Variants in STIMATE observed in about 807,000 individuals in gnomAD.
STIMATE encodes the protein store-operated calcium entry regulator STIMATE.
A neutral mutation model predicts 36.7 loss-of-function variants in STIMATE; 15 were observed. That is an observed-to-expected ratio of 0.41 (90% CI 0.27 to 0.63). The LOEUF is 0.63. Ranked by LOEUF, STIMATE falls within the 20% of genes least tolerant of loss-of-function variation. STIMATE has a pLI of 0.32. For missense variants in STIMATE, 305 were observed against 397.3 expected (o/e 0.77, Z 1.98); for synonymous variants, 163 against 162.3 (o/e 1.00, Z -0.03).
At chr3:52,854,335 C>T (rs9682449) in intron 2 of STIMATE, among the ~76,000 whole-genome samples, 136,607 of 152,180 alleles carry the variant, frequency 0.9, 63,193 homozygotes, top group East Asian at 1. Flanking sequence ...AAGTCATGAT[C>T]AGAAACTTAG....
At chr3:52,890,451 T>C (rs1213935863) in intron 1 of STIMATE, among the ~76,000 whole-genome samples, 2 of 152,264 alleles carry the variant, frequency 1.3e-5, no homozygotes, top group African/African-American at 4.8e-5. Flanking sequence ...CAGTTGGCAA[T>C]GTCGGGAGAC....
At position 52,840,628 on chromosome 3, in the gene STIMATE, C is replaced by T. The variant is rs753481497; in HGVS notation, c.769-18G>A. The T allele has an allele frequency of 1.9e-5, 30 of 1,608,680 alleles. No individual in the cohort carries two copies. In the East Asian group the frequency reaches 6.7e-4, roughly 36 times the overall value. ...ATCAGGATCTGAGGCAGTAGAGAGG[C>T]AGGGCCTGAGTCACCCCCAGCAGGG... On this transcript the variant is annotated intron_variant, in intron 7 of 7. Coordinates refer to ENST00000355083, the MANE Select transcript of STIMATE (RefSeq NM_198563.5).
chr3:52,872,063 A>G (rs988709295), intron 1 of STIMATE, among the ~76,000 whole-genome samples: 2 of 152,066 alleles, frequency 1.3e-5, no homozygotes, highest in Non-Finnish European at 2.9e-5. Flanking sequence ...TTCCTGTCTC[A>G]GCGCTCAGGA....
intron 1 of STIMATE, among the ~76,000 whole-genome samples, chr3:52,858,228 G>C (rs1267410299): frequency 1.3e-5 from 2 of 152,126 alleles, no homozygotes; most frequent in African/African-American, 4.8e-5. Flanking sequence ...CTAGATGAAA[G>C]ATATTTGGCT....
intron 1 of STIMATE, among the ~76,000 whole-genome samples, chr3:52,872,171 T>G (rs1218127129): frequency 2.0e-5 from 3 of 152,152 alleles, no homozygotes; most frequent in African/African-American, 4.8e-5. Flanking sequence ...AGCATTAATC[T>G]CAGAAATTCT....
intron 4 of STIMATE, chr3:52,847,166 C>T: frequency 1.0e-6 from 1 of 963,322 alleles, no homozygotes; most frequent in South Asian, 3.8e-5. Flanking sequence ...CCGCTTAAGC[C>T]TCCCAAAGTG....
intron 7 of STIMATE, among the ~76,000 whole-genome samples, chr3:52,841,069 G>A (rs1320365441): frequency 1.3e-5 from 2 of 152,182 alleles, no homozygotes; most frequent in Non-Finnish European, 2.9e-5. Context: ...AGACGTGCTA[G>A]CCTCCACAGG....
chr3:52,881,683 CAG>C (rs759004559), intron 1 of STIMATE, among the ~76,000 whole-genome samples: 1 of 152,162 alleles, frequency 6.6e-6, no homozygotes, highest in Non-Finnish European at 1.5e-5. Flanking sequence ...GCCCGGGCGA[CAG>C]AGTGAGACTC....
chr3:52,855,945 G>T (rs1701084450), intron 1 of STIMATE, among the ~76,000 whole-genome samples: 2 of 152,230 alleles, frequency 1.3e-5, no homozygotes. Flanking sequence ...AGTGAAGTCT[G>T]TCGCAGAACG....
intron 1 of STIMATE, among the ~76,000 whole-genome samples, chr3:52,887,832 T>C (rs138329533): frequency 6.0e-4 from 91 of 152,278 alleles, no homozygotes; most frequent in African/African-American, 2.1e-3. Context: ...GGTGACACTA[T>C]GGCATGTGTG....
chr3:52,870,617 C>T (rs1012715607), intron 1 of STIMATE, among the ~76,000 whole-genome samples: 4 of 152,122 alleles, frequency 2.6e-5, no homozygotes, highest in Admixed American at 6.5e-5. Flanking sequence ...AGTGACTCCA[C>T]GCGAAGTGAA....
At chr3:52,879,726 T>C (rs993522940) in intron 1 of STIMATE, among the ~76,000 whole-genome samples, 3 of 152,210 alleles carry the variant, frequency 2.0e-5, no homozygotes, top group Admixed American at 6.5e-5. Context: ...TCACATGGCA[T>C]GGAAGTCATA....
At chr3:52,890,083 G>C (rs1340323047) in intron 1 of STIMATE, among the ~76,000 whole-genome samples, 2 of 152,124 alleles carry the variant, frequency 1.3e-5, no homozygotes, top group African/African-American at 2.4e-5. Flanking sequence ...CTTCCTCAGG[G>C]ACACTTCCTC....
chr3:52,897,445 C>T lies in STIMATE; in HGVS notation c.6G>A (p.Gln2=), dbSNP rs1701885555. The T allele has an allele frequency of 3.6e-6, 5 of 1,373,526 alleles. No individual in the cohort carries two copies. Among genetic ancestry groups the T allele is most frequent in the Non-Finnish European group, 9.3e-7 (1 of 1,070,182 alleles). 85.1% of individuals were successfully genotyped at this position (1,373,526 alleles called of 1,614,324 possible). M[Q]GPAGNASRGL... ...CCCGGCTCGCGTTCCCGGCGGGGCC[C>T]TGCATGACAGGCCTCGCGGGAGGGG... is the stretch of plus-strand genomic sequence containing the variant. The change falls in exon 1 of 8, where the codon CAG becomes CAA. Residue 2 remains glutamine (Q), a synonymous_variant. Transcript: ENST00000355083.
chr3:52,880,640 G>C (rs1343047296), intron 1 of STIMATE, among the ~76,000 whole-genome samples: 1 of 152,066 alleles, frequency 6.6e-6, no homozygotes, highest in Non-Finnish European at 1.5e-5. Context: ...CCTTTGAAAG[G>C]GCTCATAGGA....
chr3:52,879,887 G>A (rs1012157624), intron 1 of STIMATE, among the ~76,000 whole-genome samples: 1 of 152,130 alleles, frequency 6.6e-6, no homozygotes, highest in African/African-American at 2.4e-5. Flanking sequence ...CTTCCCTGAG[G>A]GCTCTGAACC....
chr3:52,840,583 C>G lies in STIMATE; in HGVS notation c.796G>C (p.Glu266Gln). The G allele has an allele frequency of 6.2e-7, 1 of 1,613,852 alleles. No homozygotes were observed. Among genetic ancestry groups the G allele is most frequent in the Non-Finnish European group, 8.5e-7 (1 of 1,179,916 alleles). ...EILISADDEM[E>Q]ESDVEEDLRR... ...AGGTCCTCCTCCACGTCGGACTCCT[C>G]CATCTCATCATCCGCTGAGATCAGG... Residue 266 changes from glutamate (E) to glutamine (Q), a missense_variant, in exon 8 of 8, where the codon GAG becomes CAG. Transcript: ENST00000355083.
intron 1 of STIMATE, among the ~76,000 whole-genome samples, chr3:52,878,984 C>T (rs1701558582): frequency 6.6e-6 from 1 of 152,132 alleles, no homozygotes; most frequent in Non-Finnish European, 1.5e-5. Context: ...TACACCTTTA[C>T]TCAAGCAAAA....
At position 52,840,093 on chromosome 3, in the gene STIMATE, C is replaced by CT. The variant is rs1185338957; in HGVS notation, c.*400dup. On this transcript the variant is annotated 3_prime_UTR_variant, in exon 8 of 8. Coordinates refer to ENST00000355083, the MANE Select transcript of STIMATE (RefSeq NM_198563.5). Reference sequence around the variant, plus strand: ...AGCCCGAGGGTGTTATGTGTTCGCACTGCCCACAGCCACGGTGAGGAGACC... The same window carrying CT: ...AGCCCGAGGGTGTTATGTGTTCGCACTTGCCCACAGCCACGGTGAGGAGACC... 6.6e-6 allele frequency: 1 copy of CT among 152,654 alleles called. No individual in the cohort carries two copies. Among genetic ancestry groups the CT allele is most frequent in the Non-Finnish European group, 1.5e-5 (1 of 68,068 alleles). 9.5% of individuals were successfully genotyped at this position (152,654 alleles called of 1,614,324 possible). A position where few individuals can be genotyped will look rare whatever the true frequency, so the allele number is the denominator to read the frequency against.
Sources: allele counts gnomAD v4.1 joint callset (sites outside exome capture counted in the v4.1 genomes callset), GRCh38; gene constraint gnomAD v4.1.1; transcripts MANE v1.5; gene names NCBI Gene and HGNC (gene_info 2026-07-23, HGNC 2026-07-21).